SOX6: variants seen among roughly 807,000 people sequenced by gnomAD.
SOX6 encodes SRY-box transcription factor 6.
In SOX6, 11 loss-of-function variants were observed where a neutral mutation model predicts 97.8. That is an observed-to-expected ratio of 0.11 (90% CI 0.07 to 0.19). The LOEUF (loss-of-function observed/expected upper bound fraction) is 0.19, where lower values mean the gene tolerates loss of function less well. SOX6 is among the 10% of genes least tolerant of loss of function. The pLI, the probability that SOX6 is intolerant of heterozygous loss-of-function variation, is 1.00. For missense variants in SOX6, 810 were observed against 1,039.5 expected, an observed-to-expected ratio of 0.78 and a Z score of 3.04; for synonymous variants, 360 against 371.4, an observed-to-expected ratio of 0.97 and a Z score of 0.35.
In SOX6 at chr11:16,208,437, C is replaced by T. The variant is rs574607879; in HGVS notation, c.536-21482G>A. On this transcript the variant is annotated intron_variant, in intron 4 of 15. Coordinates refer to ENST00000683767, the MANE Select transcript of SOX6 (RefSeq NM_001367873.1). ...AAGCAATGGTGAGTGAAATTCCTGG[C>T]GCTTTCGCACAAATTAAGGCAGTGG... 4.5e-4 allele frequency among the ~76,000 whole-genome samples: 69 copies of T among 152,256 alleles called. 1 individual carries two copies. Among genetic ancestry groups the T allele is most frequent in the South Asian group, 1.2e-3 (6 of 4,824 alleles).
Position 16,373,891 on chromosome 11 carries a change from G to T in SOX6, c.-4-32639C>A, listed in dbSNP as rs1287474028. 2.6e-5 allele frequency among the ~76,000 whole-genome samples: 3 copies of T among 113,366 alleles called. No individual in the cohort carries two copies. In the East Asian group the frequency reaches 7.7e-4, roughly 29 times the overall value. 74.4% of individuals were successfully genotyped at this position (113,366 alleles called of 152,430 possible). On this transcript the variant is annotated intron_variant, in intron 1 of 15. Transcript: ENST00000396356. ...AGGAAGGAAGGAAGGAAGGAAGGGAGGGAGGGAGGAAGGGAGGGAGAAGGG... is the reference window on the plus strand; with the variant it reads ...AGGAAGGAAGGAAGGAAGGAAGGGATGGAGGGAGGAAGGGAGGGAGAAGGG...
intron 3 of SOX6, among the ~76,000 whole-genome samples, chr11:16,657,067 C>T (rs1355387249): frequency 6.6e-6 from 1 of 152,196 alleles, no homozygotes; most frequent in Non-Finnish European, 1.5e-5. Context: ...ATTACAGTAT[C>T]ATACAGAATC....
At chr11:16,179,218 T>C (rs1851282235) in intron 6 of SOX6, among the ~76,000 whole-genome samples, 1 of 151,904 alleles carries the variant, frequency 6.6e-6, no homozygotes, top group Non-Finnish European at 1.5e-5. Flanking sequence ...CAAGTTATTA[T>C]GTTTAATTGT....
intron 4 of SOX6, among the ~76,000 whole-genome samples, chr11:16,580,485 C>G (rs575915741): frequency 2.0e-5 from 3 of 151,904 alleles, no homozygotes. Flanking sequence ...GCCTCTTTCT[C>G]GGAAAATACT....
chr11:16,186,972 A>T lies in SOX6; in HGVS notation c.536-17T>A, dbSNP rs1418942155. On this transcript the variant is annotated splice_polypyrimidine_tract_variant and intron_variant, in intron 4 of 15. Transcript: ENST00000683767. ...CAGGTGTACCTAAAATGGAAGCAAG[A>T]AGAGATCTCACAAGCTTGAGAAATA... 12 of 1,613,622 alleles carry T rather than the reference A, an allele frequency of 7.4e-6. No homozygotes were observed. Among genetic ancestry groups the T allele is most frequent in the Admixed American group, 1.7e-5 (1 of 59,982 alleles).
chr11:16,351,411 C>T (rs1856942724), intron 1 of SOX6, among the ~76,000 whole-genome samples: 1 of 152,050 alleles, frequency 6.6e-6, no homozygotes, highest in South Asian at 2.1e-4. Context: ...CACCTCATAC[C>T]TAAACTCTTA....
chr11:16,211,784 G>A (rs1852240896), intron 4 of SOX6, among the ~76,000 whole-genome samples: 1 of 152,082 alleles, frequency 6.6e-6, no homozygotes, highest in Non-Finnish European at 1.5e-5. Flanking sequence ...TCACTAACAT[G>A]GTGCATAAAA....
intron 6 of SOX6, among the ~76,000 whole-genome samples, chr11:16,143,118 A>C (rs186654398): frequency 0.069 from 10,505 of 152,280 alleles, 402 homozygotes; most frequent in Non-Finnish European, 0.096. Flanking sequence ...CGGGTTACCC[A>C]CAAAGGGAAA....
chr11:16,244,523 G>A (rs562681347), intron 3 of SOX6, among the ~76,000 whole-genome samples: 142 of 151,720 alleles, frequency 9.4e-4, no homozygotes, highest in African/African-American at 3.3e-3. Context: ...ATATCACAAA[G>A]ATTTTTTTCC....
intron 1 of SOX6, among the ~76,000 whole-genome samples, chr11:16,439,872 C>T (rs1859469444): frequency 6.6e-6 from 1 of 152,106 alleles, no homozygotes; most frequent in Non-Finnish European, 1.5e-5. Context: ...CATTCAAGAC[C>T]TCACTACACC....
intron 3 of SOX6, chr11:16,269,885 T>C (rs1474494976): frequency 2.0e-5 from 3 of 151,312 alleles, no homozygotes; most frequent in Non-Finnish European, 3.0e-5. Flanking sequence ...TAATTTTACT[T>C]CGTTACAACT....
intron 4 of SOX6, among the ~76,000 whole-genome samples, chr11:16,531,385 T>C (rs2133169732): frequency 6.6e-6 from 1 of 151,892 alleles, no homozygotes; most frequent in East Asian, 1.9e-4. Context: ...TATACATTTA[T>C]AATAAAAAAA....
chr11:16,317,762 T>C (rs1590119587), intron 3 of SOX6: 1 of 171,796 alleles, frequency 5.8e-6, no homozygotes, highest in East Asian at 1.5e-4. Flanking sequence ...GCCTAAAATC[T>C]GTACATAAAA....
intron 4 of SOX6, among the ~76,000 whole-genome samples, chr11:16,560,394 A>AATATATACATATATACGTACATATGTTT (rs1847794877): frequency 6.6e-6 from 1 of 151,488 alleles, no homozygotes; most frequent in African/African-American, 2.4e-5. Context: ...ATTACATATA[A>AATATATACATATATACGTACATATGTTT]ATATGTAAAT....
chr11:16,560,683 T>C (rs1847805404), intron 4 of SOX6, among the ~76,000 whole-genome samples: 1 of 151,848 alleles, frequency 6.6e-6, no homozygotes, highest in Non-Finnish European at 1.5e-5. Flanking sequence ...AATAATGAAG[T>C]GTGGGGCTAC....
At chr11:16,379,999 C>A (rs914373228) in intron 1 of SOX6, among the ~76,000 whole-genome samples, 2 of 151,310 alleles carry the variant, frequency 1.3e-5, no homozygotes, top group African/African-American at 4.8e-5. Context: ...ATATTTGATA[C>A]CATATGATCT....
At chr11:16,360,756 G>A (rs1374415802), upstream of SOX6, among the ~76,000 whole-genome samples, 2 of 151,976 alleles carry the variant, frequency 1.3e-5, no homozygotes, top group Non-Finnish European at 2.9e-5. Context: ...GTAATCCCAG[G>A]ACTTTGGGAG....
intron 3 of SOX6, among the ~76,000 whole-genome samples, chr11:16,259,679 T>C (rs1329435258): frequency 6.6e-6 from 1 of 152,160 alleles, no homozygotes; most frequent in Non-Finnish European, 1.5e-5. Flanking sequence ...GTATACTTTA[T>C]AGTTCCATTT....
At chr11:16,001,562 C>T (rs2119901701) in intron 13 of SOX6, among the ~76,000 whole-genome samples, 1 of 152,274 alleles carries the variant, frequency 6.6e-6, no homozygotes, top group African/African-American at 2.4e-5. Context: ...TCTGAAATAA[C>T]TCTGAATTTC....
Sources: allele counts gnomAD v4.1 joint callset (sites outside exome capture counted in the v4.1 genomes callset), GRCh38; gene constraint gnomAD v4.1.1; transcripts MANE v1.5; gene names NCBI Gene and HGNC (gene_info 2026-07-23, HGNC 2026-07-21).